ZNG1B: variants seen among roughly 807,000 people sequenced by gnomAD.
The protein encoded by ZNG1B is Zn regulated GTPase metalloprotein activator 1B, also known as zinc-regulated GTPase metalloprotein activator 1B.
chr2:113,466,837 G>A, the ZNG1B span: 1 of 944,302 alleles, frequency 1.1e-6, no homozygotes. Context: ...GGCCAAGGTG[G>A]GCGGATCACG....
the ZNG1B span, chr2:113,462,595 T>C: frequency 1.5e-6 from 2 of 1,320,006 alleles, no homozygotes; most frequent in South Asian, 1.2e-5. Flanking sequence ...AGGTATAAGG[T>C]TGAGCTGCTT....
chr2:113,487,930 T>C, the ZNG1B span, among the ~76,000 whole-genome samples: 1 of 152,062 alleles, frequency 6.6e-6, no homozygotes, highest in African/African-American at 2.4e-5. Context: ...TTTGTATTAC[T>C]AGTAACAGTG....
chr2:113,437,983 G>A, the ZNG1B span: 6 of 1,611,814 alleles, frequency 3.7e-6, no homozygotes, highest in Non-Finnish European at 5.1e-6. Flanking sequence ...GTCTGGCCTC[G>A]GCGCCAAGAT....
the ZNG1B span, among the ~76,000 whole-genome samples, chr2:113,467,426 GAACAGAGGAA>G: frequency 9.6e-6 from 1 of 104,518 alleles, no homozygotes; most frequent in African/African-American, 4.1e-5. Context: ...TAAGTGGACT[GAACAGAGGAA>G]AACCAAAACA....
At chr2:113,474,218 G>A in the ZNG1B span, among the ~76,000 whole-genome samples, 1 of 152,120 alleles carries the variant, frequency 6.6e-6, no homozygotes, top group Non-Finnish European at 1.5e-5. Flanking sequence ...AGTCTTTGGA[G>A]GGTGTATGTG....
the ZNG1B span, among the ~76,000 whole-genome samples, chr2:113,448,809 C>T: frequency 2.9e-4 from 44 of 151,066 alleles, no homozygotes; most frequent in African/African-American, 1.0e-3. Context: ...GAGGCTGAGG[C>T]GGGAGAATGG....
At chr2:113,450,762 C>T in the ZNG1B span, among the ~76,000 whole-genome samples, 4 of 147,588 alleles carry the variant, frequency 2.7e-5, no homozygotes, top group Non-Finnish European at 5.9e-5. Context: ...TGTGGGAGAA[C>T]TTCTATGTGG....
At chr2:113,475,406 T>C in the ZNG1B span, among the ~76,000 whole-genome samples, 31,722 of 150,336 alleles carry the variant, frequency 0.21, 3,768 homozygotes, top group East Asian at 0.52. Flanking sequence ...ATGGGTTTCC[T>C]GAATACAGCA....
the ZNG1B span, among the ~76,000 whole-genome samples, chr2:113,450,013 T>C: frequency 6.6e-6 from 1 of 151,456 alleles, no homozygotes; most frequent in African/African-American, 2.4e-5. Flanking sequence ...TTGGGACATC[T>C]AGTGTTACTG....
At chr2:113,445,596 G>A in the ZNG1B span, 31,942 of 131,070 alleles carry the variant, frequency 0.24, 4,290 homozygotes, top group East Asian at 0.47. Context: ...TCATGACAGG[G>A]AACTCTGAAC....
At chr2:113,445,484 G>A in the ZNG1B span, 2 of 175,122 alleles carry the variant, frequency 1.1e-5, no homozygotes, top group East Asian at 1.6e-4. Flanking sequence ...TATAACCTAT[G>A]CACATCCTCC....
the ZNG1B span, among the ~76,000 whole-genome samples, chr2:113,443,309 G>A: frequency 6.6e-6 from 1 of 151,744 alleles, no homozygotes; most frequent in Non-Finnish European, 1.5e-5. Flanking sequence ...TACTCATTGG[G>A]AATATTCAGC....
chr2:113,473,761 T>G, the ZNG1B span, among the ~76,000 whole-genome samples: 1 of 148,290 alleles, frequency 6.7e-6, no homozygotes, highest in Admixed American at 6.8e-5. Flanking sequence ...GTTTTTGTCT[T>G]TGGTTCTGTT....
chr2:113,481,084 G>A, the ZNG1B span, among the ~76,000 whole-genome samples: 3 of 137,054 alleles, frequency 2.2e-5, no homozygotes, highest in Non-Finnish European at 4.6e-5. Context: ...TTCGTTGTTA[G>A]ATTTTTTTTT....
the ZNG1B span, among the ~76,000 whole-genome samples, chr2:113,475,699 T>G: frequency 7.9e-5 from 12 of 152,024 alleles, no homozygotes; most frequent in Non-Finnish European, 1.3e-4. Context: ...TGACAAAATC[T>G]CTCAGCATTT....
the ZNG1B span, among the ~76,000 whole-genome samples, chr2:113,488,371 C>T: frequency 1.3e-5 from 2 of 152,120 alleles, no homozygotes; most frequent in African/African-American, 2.4e-5. Flanking sequence ...GAACAACAAC[C>T]TTCAGCCCTA....
At chr2:113,465,632 G>C in the ZNG1B span, 1 of 930,428 alleles carries the variant, frequency 1.1e-6, no homozygotes, top group Non-Finnish European at 1.3e-6. Context: ...TTTTCTCTAG[G>C]TTCTGTTCCT....
At chr2:113,453,211 A>G in the ZNG1B span, 1 of 1,586,470 alleles carries the variant, frequency 6.3e-7, no homozygotes, top group Non-Finnish European at 8.5e-7. Flanking sequence ...AAGTTAAAAA[A>G]CAGTTTTCTT....
At chr2:113,475,735 T>A in the ZNG1B span, among the ~76,000 whole-genome samples, 2 of 152,062 alleles carry the variant, frequency 1.3e-5, no homozygotes, top group Non-Finnish European at 1.5e-5. Flanking sequence ...ATTTTATTTC[T>A]CCTTCACTTA....
Sources: gnomAD v4.1 joint callset for allele counts (sites outside exome capture counted in the v4.1 genomes callset) on GRCh38, gnomAD v4.1.1 for gene constraint, MANE v1.5 for transcripts, NCBI Gene and HGNC (gene_info 2026-07-23, HGNC 2026-07-21) for gene names.